ATRNL1: variants seen among roughly 807,000 people sequenced by gnomAD.
ATRNL1 encodes the protein attractin like 1.
A neutral mutation model predicts 182.7 loss-of-function variants in ATRNL1; 95 were observed. The ratio of observed to expected loss-of-function variants is 0.52; its 90% CI spans 0.44 to 0.62. The LOEUF is 0.62. Among genes scored for constraint, ATRNL1 ranks in the 20% least tolerant of loss-of-function variants. The pLI is 0.00. For missense variants in ATRNL1, 1,471 were observed against 1,679.5 expected (o/e 0.88, Z 2.17); for synonymous variants, 576 against 568.3 (o/e 1.01, Z -0.19).
In ATRNL1 at chr10:115,548,266, C is replaced by T. The variant is rs959565114; in HGVS notation, c.3717-1192C>T. Among the ~76,000 whole-genome samples, 5 of 152,278 alleles carry T rather than the reference C, an allele frequency of 3.3e-5. No individual in the cohort carries two copies. The East Asian group carries it at 9.7e-4, about 29-fold the overall frequency. On this transcript the variant is annotated intron_variant, in intron 25 of 28. Coordinates refer to ENST00000355044, the MANE Select transcript of ATRNL1 (RefSeq NM_207303.4). ...CAGCATCTGGAATGTGCGCAGCACT[C>T]AATGGATAGATGTTAAAATTGACAT... is the stretch of plus-strand genomic sequence containing the variant.
At chr10:115,357,827 G>C (rs1440497856) in intron 19 of ATRNL1, among the ~76,000 whole-genome samples, 2 of 151,522 alleles carry the variant, frequency 1.3e-5, no homozygotes, top group African/African-American at 4.8e-5. Flanking sequence ...CATTTCCAAA[G>C]TCCCACTACT....
intron 28 of ATRNL1, among the ~76,000 whole-genome samples, chr10:115,849,056 G>A (rs1325985150): frequency 1.3e-5 from 2 of 152,130 alleles, no homozygotes; most frequent in Non-Finnish European, 2.9e-5. Context: ...CCTTGTAAAC[G>A]TTAGGTATTC....
At chr10:115,201,335 GT>G (rs1554892325) in intron 8 of ATRNL1, among the ~76,000 whole-genome samples, 1 of 152,102 alleles carries the variant, frequency 6.6e-6, no homozygotes. Context: ...TAAAGCCTAG[GT>G]TTTCTTCTAG....
At chr10:115,838,158 C>A (rs547724306) in intron 27 of ATRNL1, among the ~76,000 whole-genome samples, 2 of 152,274 alleles carry the variant, frequency 1.3e-5, no homozygotes, top group African/African-American at 2.4e-5. Context: ...ACACCCACTT[C>A]ATGTCCAGTA....
intron 27 of ATRNL1, among the ~76,000 whole-genome samples, chr10:115,776,762 G>A (rs1949137269): frequency 6.6e-6 from 1 of 152,112 alleles, no homozygotes; most frequent in African/African-American, 2.4e-5. Flanking sequence ...AAGATCTTGA[G>A]AGATGAGCCA....
At chr10:115,719,802 G>A (rs989823889) in intron 26 of ATRNL1, among the ~76,000 whole-genome samples, 2 of 150,686 alleles carry the variant, frequency 1.3e-5, no homozygotes, top group African/African-American at 2.4e-5. Flanking sequence ...TCAAGACACA[G>A]CTTTTGTGTT....
chr10:115,328,687 T>C (rs1855046669), intron 18 of ATRNL1, among the ~76,000 whole-genome samples: 1 of 152,164 alleles, frequency 6.6e-6, no homozygotes, highest in South Asian at 2.1e-4. Flanking sequence ...GGTGATTGTC[T>C]TTCTGTGCCT....
chr10:115,857,894 C>A (rs2134383691), intron 28 of ATRNL1, among the ~76,000 whole-genome samples: 1 of 152,236 alleles, frequency 6.6e-6, no homozygotes, highest in African/African-American at 2.4e-5. Flanking sequence ...TTTCTTTTTT[C>A]TTCTTTCCCA....
chr10:115,810,784 A>G (rs1426126211), intron 27 of ATRNL1, among the ~76,000 whole-genome samples: 1 of 151,820 alleles, frequency 6.6e-6, no homozygotes, highest in Non-Finnish European at 1.5e-5. Flanking sequence ...ATTTATTGGC[A>G]GTCTCTTATC....
At chr10:115,598,099 A>C (rs556650786) in intron 26 of ATRNL1, 3 of 152,676 alleles carry the variant, frequency 2.0e-5, no homozygotes, top group Non-Finnish European at 4.4e-5. Context: ...TAACTGTTGC[A>C]TGGTAGGTGA....
At chr10:115,648,120 C>CA (rs797025285) in intron 26 of ATRNL1, among the ~76,000 whole-genome samples, 33 of 151,998 alleles carry the variant, frequency 2.2e-4, no homozygotes, top group African/African-American at 7.2e-4. Context: ...GTTCAGGATA[C>CA]AAAATCAATG....
At chr10:115,365,825 G>A (rs1857006334) in intron 19 of ATRNL1, among the ~76,000 whole-genome samples, 1 of 152,122 alleles carries the variant, frequency 6.6e-6, no homozygotes, top group Non-Finnish European at 1.5e-5. Context: ...ATGTAGTTGA[G>A]CGATTTTGAG....
At chr10:115,390,006 AATTT>A (rs1554954001) in intron 19 of ATRNL1, among the ~76,000 whole-genome samples, 1 of 152,106 alleles carries the variant, frequency 6.6e-6, no homozygotes, top group African/African-American at 2.4e-5. Context: ...TTTTAAAAAA[AATTT>A]ATTTAGGTCC....
intron 20 of ATRNL1, among the ~76,000 whole-genome samples, chr10:115,413,841 T>C (rs1195414532): frequency 6.6e-6 from 1 of 152,074 alleles, no homozygotes; most frequent in African/African-American, 2.4e-5. Context: ...TAGGTATGCT[T>C]TTTGCTCTTT....
At chr10:115,193,222 A>G (rs141983560) in intron 8 of ATRNL1, among the ~76,000 whole-genome samples, 157 of 152,080 alleles carry the variant, frequency 1.0e-3, no homozygotes, top group Non-Finnish European at 1.9e-3. Context: ...CTTTTAAACT[A>G]TTGAAGTATG....
chr10:115,868,822 C>CTTTTTTTTTTATTTTTTTTTTTTT (rs1951501591), intron 28 of ATRNL1, among the ~76,000 whole-genome samples: 1 of 58,084 alleles, frequency 1.7e-5, no homozygotes, highest in Non-Finnish European at 3.2e-5. Context: ...AGTCTTTATT[C>CTTTTTTTTTTATTTTTTTTTTTTT]TTTTTTTTTT....
intron 18 of ATRNL1, among the ~76,000 whole-genome samples, chr10:115,330,396 T>G (rs1855149098): frequency 6.6e-6 from 1 of 152,176 alleles, no homozygotes; most frequent in Admixed American, 6.5e-5. Context: ...ACTTTTTTTG[T>G]TACACATTAG....
In ATRNL1 at chr10:115,228,114, G is replaced by T. The variant is rs574318964; in HGVS notation, c.1532+12234G>T. On this transcript the variant is annotated intron_variant, in intron 9 of 28. Transcript: ENST00000355044. ...CAATTTGACTTCTTATATGCTAAAA[G>T]ATTATGATAATTTGACATACCAAAA... is the stretch of plus-strand genomic sequence containing the variant. Among the ~76,000 whole-genome samples, 80 of 152,182 alleles carry T rather than the reference G, an allele frequency of 5.3e-4. No individual in the cohort carries two copies. The South Asian group carries it at 5.8e-3, about 11-fold the overall frequency.
chr10:115,516,176 A>G (rs1031462442), intron 24 of ATRNL1, among the ~76,000 whole-genome samples: 1 of 151,872 alleles, frequency 6.6e-6, no homozygotes, highest in Non-Finnish European at 1.5e-5. Flanking sequence ...TATTCTAAGT[A>G]AGTTTTTCTT....
Sources: allele counts gnomAD v4.1 joint callset (sites outside exome capture counted in the v4.1 genomes callset), GRCh38; gene constraint gnomAD v4.1.1; transcripts MANE v1.5; gene names NCBI Gene and HGNC (gene_info 2026-07-23, HGNC 2026-07-21).